Variants in KCTD8 observed in about 807,000 individuals in gnomAD.
The protein encoded by KCTD8 is potassium channel tetramerization domain containing 8.
A neutral mutation model predicts 31.5 loss-of-function variants in KCTD8; 27 were observed. The observed-to-expected ratio is 0.86, with a 90% CI of 0.63 to 1.18. KCTD8 has a LOEUF of 1.18. Ranked by LOEUF, KCTD8 falls within the 50% of genes most tolerant of loss-of-function variation. The pLI is 0.00. For missense variants in KCTD8, 658 were observed against 647.7 expected, an observed-to-expected ratio of 1.02 and a Z score of -0.17; for synonymous variants, 290 against 280.0, an observed-to-expected ratio of 1.04 and a Z score of -0.36.
intron 1 of KCTD8, among the ~76,000 whole-genome samples, chr4:44,213,641 A>T (rs1031777905): frequency 6.6e-6 from 1 of 152,142 alleles, no homozygotes; most frequent in Non-Finnish European, 1.5e-5. Context: ...AGAATGAAAA[A>T]TCCCTGTGGT....
intron 1 of KCTD8, among the ~76,000 whole-genome samples, chr4:44,311,920 A>T (rs140357833): frequency 9.9e-5 from 15 of 151,266 alleles, no homozygotes; most frequent in African/African-American, 3.4e-4. Context: ...GAAACTAATG[A>T]AGACCTGTGG....
intron 1 of KCTD8, among the ~76,000 whole-genome samples, chr4:44,360,712 T>C (rs1314262464): frequency 6.6e-6 from 1 of 152,034 alleles, no homozygotes; most frequent in African/African-American, 2.4e-5. Context: ...AAAAATTTAG[T>C]GTCTGAAGGC....
intron 1 of KCTD8, among the ~76,000 whole-genome samples, chr4:44,433,514 T>C (rs1311386930): frequency 6.6e-6 from 1 of 151,712 alleles, no homozygotes; most frequent in Non-Finnish European, 1.5e-5. Context: ...TATATAAGTC[T>C]GCATTTTACA....
intron 1 of KCTD8, among the ~76,000 whole-genome samples, chr4:44,263,192 C>G (rs1211432408): frequency 1.3e-5 from 2 of 152,010 alleles, no homozygotes; most frequent in Admixed American, 1.3e-4. Context: ...GGCATAACAG[C>G]AAGTTTATGC....
At chr4:44,312,932 A>G (rs1394528655) in intron 1 of KCTD8, among the ~76,000 whole-genome samples, 1 of 152,094 alleles carries the variant, frequency 6.6e-6, no homozygotes, top group African/African-American at 2.4e-5. Flanking sequence ...GGAGGAGGCA[A>G]TTGGCATTCT....
At chr4:44,320,379 T>C (rs148230112) in intron 1 of KCTD8, among the ~76,000 whole-genome samples, 3 of 152,162 alleles carry the variant, frequency 2.0e-5, no homozygotes, top group African/African-American at 7.2e-5. Flanking sequence ...TAAGTTCTTT[T>C]AAGGGCACTT....
intron 1 of KCTD8, among the ~76,000 whole-genome samples, chr4:44,323,496 A>AC (rs1470162434): frequency 2.4e-3 from 85 of 34,806 alleles, no homozygotes; most frequent in African/African-American, 3.5e-3. Context: ...CTCCATCCCC[A>AC]CCCACCCCCC....
At chr4:44,397,833 A>G (rs13147391) in intron 1 of KCTD8, among the ~76,000 whole-genome samples, 125,339 of 152,114 alleles carry the variant, frequency 0.82, 51,843 homozygotes, top group South Asian at 0.88. Context: ...CAAGAATTTT[A>G]AACTTTTCTT....
intron 1 of KCTD8, among the ~76,000 whole-genome samples, chr4:44,268,582 T>C (rs1330322023): frequency 1.3e-5 from 2 of 151,920 alleles, no homozygotes; most frequent in African/African-American, 4.8e-5. Context: ...GGTATTCAAT[T>C]AGGAAAAGAG....
chr4:44,204,738 A>T (rs1174408484), intron 1 of KCTD8, among the ~76,000 whole-genome samples: 1 of 152,090 alleles, frequency 6.6e-6, no homozygotes, highest in Non-Finnish European at 1.5e-5. Flanking sequence ...TTCTGCTGTT[A>T]TTTCCACTCC....
At chr4:44,184,715 A>G (rs1276860453) in intron 1 of KCTD8, among the ~76,000 whole-genome samples, 1 of 152,220 alleles carries the variant, frequency 6.6e-6, no homozygotes, top group Non-Finnish European at 1.5e-5. Context: ...TTTGTATAGT[A>G]TTTAATACTA....
chr4:44,252,105 A>G (rs1006271176), intron 1 of KCTD8, among the ~76,000 whole-genome samples: 2 of 151,758 alleles, frequency 1.3e-5, no homozygotes, highest in Admixed American at 6.6e-5. Context: ...GTAAGAACAT[A>G]CAATGTTTGG....
chr4:44,336,871 T>C (rs1718762348), intron 1 of KCTD8, among the ~76,000 whole-genome samples: 1 of 152,026 alleles, frequency 6.6e-6, no homozygotes, highest in African/African-American at 2.4e-5. Flanking sequence ...TCACTGTATA[T>C]CAAATAAAAC....
At position 44,345,114 on chromosome 4, in the gene KCTD8, T is replaced by C. The variant is rs181316701; in HGVS notation, c.961+102449A>G. Among the ~76,000 whole-genome samples the C allele has an allele frequency of 2.6e-5, 4 of 152,286 alleles. No individual in the cohort carries two copies. The East Asian group carries it at 7.7e-4, about 29-fold the overall frequency. On this transcript the variant is annotated intron_variant, in intron 1 of 1. Transcript: ENST00000360029. ...ACAGTTTCTTCTTTCTTATGCTAGG[T>C]ATTTCTAGGACTTATTTTGTTCATT...
chr4:44,175,089 T>C lies in KCTD8; in HGVS notation c.1123A>G (p.Ser375Gly). The C allele has an allele frequency of 6.2e-7, 1 of 1,614,084 alleles. No homozygotes were observed. Among genetic ancestry groups the C allele is most frequent in the Non-Finnish European group, 8.5e-7 (1 of 1,179,978 alleles). ...EASTPQDNPS[S>G]AQQATAHQPN... ...TGGTGAGCTGTTGCCTGCTGGGCAC[T>C]GGATGGGTTGTCCTGGGGAGTGCTT... The change falls in exon 2 of 2, where the codon AGT becomes GGT. Residue 375 changes from serine (S) to glycine (G), a missense_variant. Physicochemically the swap from Ser to Gly is moderately conservative, Grantham distance 56. Transcript: ENST00000360029.
At chr4:44,423,759 T>A (rs1203055218) in intron 1 of KCTD8, among the ~76,000 whole-genome samples, 2 of 147,678 alleles carry the variant, frequency 1.4e-5, no homozygotes, top group African/African-American at 2.7e-5. Flanking sequence ...GAAGGTTAGC[T>A]TCTTAAAACA....
intron 1 of KCTD8, among the ~76,000 whole-genome samples, chr4:44,215,885 C>A (rs7667938): frequency 1.5e-4 from 23 of 152,200 alleles, no homozygotes; most frequent in Admixed American, 1.5e-3. Context: ...GAAACAGGTA[C>A]CCTGTGTGAT....
chr4:44,440,830 G>T (rs1184435735), intron 1 of KCTD8, among the ~76,000 whole-genome samples: 1 of 152,184 alleles, frequency 6.6e-6, no homozygotes, highest in African/African-American at 2.4e-5. Context: ...AGTGCACACA[G>T]AAAAGACAGA....
At chr4:44,317,217 A>G (rs1395820105) in intron 1 of KCTD8, among the ~76,000 whole-genome samples, 3 of 112,742 alleles carry the variant, frequency 2.7e-5, no homozygotes, top group Non-Finnish European at 5.5e-5. Flanking sequence ...TGTATTGCCT[A>G]TGGGTGCTTT....
Sources: gnomAD v4.1 joint callset for allele counts (sites outside exome capture counted in the v4.1 genomes callset) on GRCh38, gnomAD v4.1.1 for gene constraint, MANE v1.5 for transcripts, NCBI Gene and HGNC (gene_info 2026-07-23, HGNC 2026-07-21) for gene names.